Variants in KCTD8 observed in about 807,000 individuals in gnomAD.
The protein encoded by KCTD8 is BTB/POZ domain-containing protein KCTD8.
KCTD8 carries 27 observed loss-of-function variants against 31.5 expected under a neutral mutation model. That is an observed-to-expected ratio of 0.86 (90% CI 0.63 to 1.18). KCTD8 has a LOEUF of 1.18. KCTD8 is among the 50% of genes most tolerant of loss of function. The probability of loss-of-function intolerance (pLI) is 0.00; values close to 1 mark genes in which losing one functional copy is unlikely to be tolerated. For missense variants in KCTD8, 658 were observed against 647.7 expected (o/e 1.02, Z -0.17); for synonymous variants, 290 against 280.0 (o/e 1.04, Z -0.36).
rs189988505 is a variant in KCTD8 at position 44,285,480 on chromosome 4, G to T, written c.962-110230C>A. 2.5e-3 allele frequency among the ~76,000 whole-genome samples: 385 copies of T among 152,198 alleles called. 1 individual carries two copies. The highest frequency in any genetic ancestry group is 8.5e-3 in the African/African-American group (354 of 41,530). On this transcript the variant is annotated intron_variant, in intron 1 of 1. Transcript: ENST00000360029. ...CACACTGGGGCCTGTAGGGGGTCGG[G>T]GTGTAGGGGAGGGATAACATTAGGA...
chr4:44,369,013 G>A (rs1024888520), intron 1 of KCTD8, among the ~76,000 whole-genome samples: 5 of 152,102 alleles, frequency 3.3e-5, no homozygotes, highest in Non-Finnish European at 7.4e-5. Context: ...AGGCTGGTTG[G>A]CCACCAGCAA....
intron 1 of KCTD8, among the ~76,000 whole-genome samples, chr4:44,317,531 G>A (rs899441224): frequency 3.5e-5 from 5 of 140,856 alleles, no homozygotes; most frequent in Admixed American, 6.7e-5. Context: ...GAGCCACCGC[G>A]CCCGGCCCGG....
intron 1 of KCTD8, among the ~76,000 whole-genome samples, chr4:44,422,793 G>A (rs1444783546): frequency 2.0e-5 from 3 of 152,028 alleles, no homozygotes; most frequent in Non-Finnish European, 4.4e-5. Flanking sequence ...GGACTATTAG[G>A]AAGATTAAAT....
intron 1 of KCTD8, among the ~76,000 whole-genome samples, chr4:44,351,308 T>C (rs1719187810): frequency 6.6e-6 from 1 of 152,114 alleles, no homozygotes; most frequent in Non-Finnish European, 1.5e-5. Context: ...GGGGATAACA[T>C]TATGGGCTAG....
At chr4:44,348,405 C>A (rs190727045) in intron 1 of KCTD8, among the ~76,000 whole-genome samples, 27 of 152,192 alleles carry the variant, frequency 1.8e-4, no homozygotes, top group Admixed American at 3.9e-4. Context: ...CCATTTGTTT[C>A]AGTGAGGGTA....
intron 1 of KCTD8, among the ~76,000 whole-genome samples, chr4:44,421,331 T>C (rs1438861197): frequency 6.6e-6 from 1 of 152,104 alleles, no homozygotes; most frequent in African/African-American, 2.4e-5. Flanking sequence ...AGTGTGTGCA[T>C]CTCATTTTGA....
At chr4:44,421,603 C>G (rs1003519839) in intron 1 of KCTD8, among the ~76,000 whole-genome samples, 1 of 152,008 alleles carries the variant, frequency 6.6e-6, no homozygotes, top group African/African-American at 2.4e-5. Flanking sequence ...GTATATATTT[C>G]CTTCCAATTG....
chr4:44,296,369 C>A (rs1717433806), intron 1 of KCTD8, among the ~76,000 whole-genome samples: 1 of 151,246 alleles, frequency 6.6e-6, no homozygotes, highest in South Asian at 2.1e-4. Flanking sequence ...TGTAATTGGC[C>A]TTGGAAATGA....
intron 1 of KCTD8, among the ~76,000 whole-genome samples, chr4:44,361,710 G>C (rs1719501787): frequency 6.6e-6 from 1 of 152,054 alleles, no homozygotes; most frequent in Non-Finnish European, 1.5e-5. Context: ...ATGAGAAAAA[G>C]ATTGATCTCT....
At chr4:44,185,973 G>C (rs1304746) in intron 1 of KCTD8, among the ~76,000 whole-genome samples, 4 of 152,164 alleles carry the variant, frequency 2.6e-5, no homozygotes, top group Non-Finnish European at 5.9e-5. Flanking sequence ...GGTCCCTGGC[G>C]AGGTCTCCAC....
intron 1 of KCTD8, among the ~76,000 whole-genome samples, chr4:44,342,561 T>A (rs1453167511): frequency 1.3e-5 from 2 of 152,128 alleles, no homozygotes; most frequent in African/African-American, 4.8e-5. Flanking sequence ...GAATGGCAAG[T>A]ATTGGCTTTA....
intron 1 of KCTD8, among the ~76,000 whole-genome samples, chr4:44,262,951 C>T (rs148450552): frequency 2.0e-3 from 301 of 152,144 alleles, no homozygotes; most frequent in Admixed American, 3.5e-3. Flanking sequence ...AAAGTAGAAT[C>T]GCTAGTATTA....
At chr4:44,335,857 A>G (rs1262752200) in intron 1 of KCTD8, among the ~76,000 whole-genome samples, 4 of 152,130 alleles carry the variant, frequency 2.6e-5, no homozygotes, top group Non-Finnish European at 5.9e-5. Context: ...CCCACAATAG[A>G]AAAAATATAA....
intron 1 of KCTD8, among the ~76,000 whole-genome samples, chr4:44,265,937 A>G (rs576860748): frequency 0.079 from 12,075 of 151,992 alleles, 456 homozygotes; most frequent in Non-Finnish European, 0.11. Context: ...TGAAAGTGAC[A>G]GGGAGAATGG....
At chr4:44,409,320 A>G (rs1720896710) in intron 1 of KCTD8, among the ~76,000 whole-genome samples, 1 of 152,008 alleles carries the variant, frequency 6.6e-6, no homozygotes, top group Non-Finnish European at 1.5e-5. Context: ...GACATTTTTT[A>G]TATATCCAGA....
intron 1 of KCTD8, among the ~76,000 whole-genome samples, chr4:44,210,624 T>C (rs1714458054): frequency 6.6e-6 from 1 of 152,154 alleles, no homozygotes; most frequent in Non-Finnish European, 1.5e-5. Context: ...GATAAATGAA[T>C]GCTGGAAGAA....
intron 1 of KCTD8, among the ~76,000 whole-genome samples, chr4:44,401,717 C>G (rs115346842): frequency 6.4e-4 from 98 of 152,222 alleles, no homozygotes; most frequent in Middle Eastern, 3.4e-3. Context: ...GTAGAATGTT[C>G]AACACAGGAC....
chr4:44,387,229 C>T (rs1328152569), intron 1 of KCTD8, among the ~76,000 whole-genome samples: 2 of 151,708 alleles, frequency 1.3e-5, no homozygotes, highest in East Asian at 3.9e-4. Flanking sequence ...AGAGATGACA[C>T]AAACAAATAA....
At chr4:44,417,427 T>C (rs1721101952) in intron 1 of KCTD8, among the ~76,000 whole-genome samples, 1 of 152,094 alleles carries the variant, frequency 6.6e-6, no homozygotes. Flanking sequence ...AAGACGATTT[T>C]GAAATAATAA....
Sources: allele counts gnomAD v4.1 joint callset (sites outside exome capture counted in the v4.1 genomes callset), GRCh38; gene constraint gnomAD v4.1.1; transcripts MANE v1.5; gene names NCBI Gene and HGNC (gene_info 2026-07-23, HGNC 2026-07-21).